CLASP2: variants seen among roughly 807,000 people sequenced by gnomAD.
The protein encoded by CLASP2 is CLIP-associating protein 2.
CLASP2 carries 47 observed loss-of-function variants against 194.4 expected under a neutral mutation model. The ratio of observed to expected loss-of-function variants is 0.24; its 90% confidence interval spans 0.19 to 0.31. The LOEUF (loss-of-function observed/expected upper bound fraction) is 0.31, where lower values mean the gene tolerates loss of function less well. CLASP2 is among the 10% of genes least tolerant of loss of function. The pLI, the probability that CLASP2 is intolerant of heterozygous loss-of-function variation, is 1.00. For missense variants in CLASP2, 1,445 were observed against 1,823.6 expected, an observed-to-expected ratio of 0.79 and a Z score of 3.78; for synonymous variants, 619 against 633.5, an observed-to-expected ratio of 0.98 and a Z score of 0.34.
intron 16 of CLASP2, among the ~76,000 whole-genome samples, chr3:33,606,070 T>A (rs766657140): frequency 2.6e-5 from 4 of 151,978 alleles, no homozygotes; most frequent in Non-Finnish European, 5.9e-5. Flanking sequence ...AAAACAGGGT[T>A]ATGGCTGCTA....
intron 33 of CLASP2, 72 bp from the exon 34 acceptor site, chr3:33,535,533 T>A (rs909834817): frequency 8.2e-7 from 1 of 1,215,916 alleles, no homozygotes; most frequent in Non-Finnish European, 1.2e-6. Flanking sequence ...TCTAAAAAGA[T>A]ATTTCTCTAC....
intron 36 of CLASP2, chr3:33,514,773 A>G: frequency 4.5e-6 from 1 of 222,258 alleles, no homozygotes; most frequent in Non-Finnish European, 9.8e-6. Context: ...GAAATAGCCC[A>G]AATGCACATC....
intron 33 of CLASP2, among the ~76,000 whole-genome samples, chr3:33,536,801 G>C (rs886781906): frequency 6.6e-6 from 1 of 152,192 alleles, no homozygotes. Context: ...CTGCAGTGGA[G>C]ACAAAAGATT....
intron 2 of CLASP2, among the ~76,000 whole-genome samples, chr3:33,693,793 GA>G (rs1444934296): frequency 6.6e-6 from 1 of 151,810 alleles, no homozygotes; most frequent in African/African-American, 2.4e-5. Context: ...GATTCAAAGT[GA>G]AAACAATATT....
At chr3:33,534,194 A>G (rs1398319975) in intron 34 of CLASP2, among the ~76,000 whole-genome samples, 1 of 152,218 alleles carries the variant, frequency 6.6e-6, no homozygotes, top group Non-Finnish European at 1.5e-5. Context: ...GTTATATATT[A>G]CTATATAGTA....
At chr3:33,518,414 T>C (rs1012234238) in intron 34 of CLASP2, among the ~76,000 whole-genome samples, 18 of 152,218 alleles carry the variant, frequency 1.2e-4, no homozygotes, top group Admixed American at 5.2e-4. Context: ...TCAAATACAC[T>C]ATAAATTCAG....
intron 2 of CLASP2, among the ~76,000 whole-genome samples, chr3:33,694,203 A>G (rs928904341): frequency 3.3e-5 from 5 of 152,214 alleles, no homozygotes; most frequent in Admixed American, 3.3e-4. Flanking sequence ...TACTTGCTAA[A>G]GATTACAAAG....
intron 32 of CLASP2, among the ~76,000 whole-genome samples, chr3:33,541,682 G>A (rs1392428029): frequency 6.6e-6 from 1 of 152,048 alleles, no homozygotes; most frequent in Non-Finnish European, 1.5e-5. Flanking sequence ...CTGTTTTTAT[G>A]GCCACATAGT....
At chr3:33,563,900 C>A in intron 27 of CLASP2, 1 of 456,184 alleles carries the variant, frequency 2.2e-6, no homozygotes, top group Non-Finnish European at 4.4e-6. Flanking sequence ...TTGAACACAC[C>A]TCATATATCC....
chr3:33,679,227 A>C (rs2089385962), intron 6 of CLASP2, among the ~76,000 whole-genome samples: 1 of 152,200 alleles, frequency 6.6e-6, no homozygotes. Context: ...ATCCTTCCCA[A>C]AAATTAATTC....
rs1436339610 is a variant in CLASP2 at position 33,592,502 on chromosome 3, A to C, written c.1967-6T>G. On this transcript the variant is annotated splice_region_variant and splice_polypyrimidine_tract_variant and intron_variant, in intron 20 of 38. Coordinates refer to ENST00000682230, the MANE Select transcript of CLASP2 (RefSeq NM_001365631.1). Reference sequence around the variant, plus strand: ...AAGTTTTGCTCTCACCCGGCCTGAGAAATAAAATATTTACATAATTAAAAA... The same window carrying C: ...AAGTTTTGCTCTCACCCGGCCTGAGCAATAAAATATTTACATAATTAAAAA... The C allele has an allele frequency of 3.1e-6, 5 of 1,599,720 alleles. No homozygotes were observed. The highest frequency in any genetic ancestry group is 1.1e-5 in the South Asian group (1 of 89,374).
chr3:33,679,345 A>C (rs773703801), intron 6 of CLASP2, among the ~76,000 whole-genome samples: 2 of 152,210 alleles, frequency 1.3e-5, no homozygotes, highest in African/African-American at 2.4e-5. Context: ...TTTTAAAACA[A>C]CACCAAAAGC....
chr3:33,506,378 G>GAA (rs2048220292), intron 37 of CLASP2, among the ~76,000 whole-genome samples: 1 of 59,480 alleles, frequency 1.7e-5, no homozygotes, highest in Non-Finnish European at 3.3e-5. Context: ...ACTCTGTCTC[G>GAA]AAAAAAAAAA....
chr3:33,626,620 T>TA (rs2078100288), intron 10 of CLASP2, among the ~76,000 whole-genome samples: 2 of 152,100 alleles, frequency 1.3e-5, no homozygotes, highest in African/African-American at 4.8e-5. Flanking sequence ...AACATGCAGG[T>TA]AAAGTGAACT....
At chr3:33,588,677 T>A (rs1402657093) in intron 21 of CLASP2, 2 of 701,486 alleles carry the variant, frequency 2.9e-6, no homozygotes, top group Non-Finnish European at 5.2e-6. Flanking sequence ...AAACAACAGA[T>A]GCACACATAA....
At chr3:33,505,450 C>T (rs1189748881) in intron 37 of CLASP2, 2 of 152,022 alleles carry the variant, frequency 1.3e-5, no homozygotes, top group East Asian at 1.9e-4. Context: ...AAGTTGAAAC[C>T]CTACCTCACA....
chr3:33,717,328 G>A (rs1042308597), intron 1 of CLASP2, among the ~76,000 whole-genome samples: 2 of 152,186 alleles, frequency 1.3e-5, no homozygotes, highest in Non-Finnish European at 2.9e-5. Context: ...TTGTCCACAA[G>A]TGTAGAAAAA....
chr3:33,515,878 A>C, intron 36 of CLASP2, 145 bp downstream of exon 36: 1 of 676,582 alleles, frequency 1.5e-6, no homozygotes, highest in Non-Finnish European at 2.2e-6. Flanking sequence ...ATAGAAAAAA[A>C]TATGCTTGCA....
rs377464040 is a variant in CLASP2, at chr3:33,715,788, T to C, written c.195+2020A>G. Among the ~76,000 whole-genome samples, 513 of 147,732 alleles carry C rather than the reference T, an allele frequency of 3.5e-3. 6 individuals are homozygous for C. Among genetic ancestry groups the C allele is most frequent in the African/African-American group, 0.012 (483 of 39,968 alleles). ...TTGAAGTATGATTCTATTTGTATGT[T>C]CAAAAGCTCCTATGACACACTTTTT... is the stretch of plus-strand genomic sequence containing the variant. On this transcript the variant is annotated intron_variant, in intron 1 of 38. Coordinates refer to ENST00000682230, the MANE Select transcript of CLASP2 (RefSeq NM_001365631.1).
Sources: allele counts gnomAD v4.1 joint callset (sites outside exome capture counted in the v4.1 genomes callset), GRCh38; gene constraint gnomAD v4.1.1; transcripts MANE v1.5; gene names NCBI Gene and HGNC (gene_info 2026-07-23, HGNC 2026-07-21).